The following CLIP4 variants were observed in gnomAD, a reference collection of about 807,000 sequenced individuals.
CLIP4 encodes CAP-Gly domain-containing linker protein 4.
CLIP4 carries 47 observed loss-of-function variants against 73.1 expected under a neutral mutation model. That is an observed-to-expected ratio of 0.64 (90% CI 0.51 to 0.82). The LOEUF (loss-of-function observed/expected upper bound fraction) is 0.82. Among genes scored for constraint, CLIP4 ranks in the 40% least tolerant of loss-of-function variants. CLIP4 has a pLI of 0.00. For synonymous variants in CLIP4, 306 were observed against 295.4 expected (o/e 1.04, Z -0.37); for missense variants, 874 against 852.9 (o/e 1.02, Z -0.31).
At position 29,130,830 on chromosome 2, in the gene CLIP4, CA is replaced by C. The variant is rs890114961; in HGVS notation, c.134-421del. 6.2e-6 allele frequency: 8 copies of C among 1,288,502 alleles called. No individual in the cohort carries two copies. The African/African-American group carries it at 1.2e-4, about 20-fold the overall frequency. 79.8% of individuals were successfully genotyped at this position (1,288,502 alleles called of 1,614,324 possible). Reference sequence around the variant, plus strand: ...ATAAATGCAAAGAAGAAAGCAAAAACAAAAAAACCTCAATGAGTCCCACTAC... The same window carrying C: ...ATAAATGCAAAGAAGAAAGCAAAAACAAAAAACCTCAATGAGTCCCACTAC... On this transcript the variant is annotated intron_variant, in intron 2 of 15. Coordinates refer to ENST00000320081, the MANE Select transcript of CLIP4 (RefSeq NM_024692.6).
chr2:29,111,765 G>C (rs1341372288), upstream of CLIP4, among the ~76,000 whole-genome samples: 1 of 152,086 alleles, frequency 6.6e-6, no homozygotes, highest in African/African-American at 2.4e-5. Flanking sequence ...ATTCTTAACT[G>C]AACAGAACCC....
At chr2:29,124,382 T>G (rs1464885082) in intron 2 of CLIP4, among the ~76,000 whole-genome samples, 1 of 152,192 alleles carries the variant, frequency 6.6e-6, no homozygotes, top group Non-Finnish European at 1.5e-5. Context: ...GTCTTTTTTT[T>G]GGCTGCTTTA....
At chr2:29,174,799 C>G in intron 15 of CLIP4, 1 of 464,328 alleles carries the variant, frequency 2.2e-6, no homozygotes, top group Non-Finnish European at 2.8e-6. Flanking sequence ...GTCAGTGATA[C>G]ATGAAAGAAA....
intron 13 of CLIP4, among the ~76,000 whole-genome samples, chr2:29,165,144 AT>A (rs1667523153): frequency 6.6e-6 from 1 of 152,214 alleles, no homozygotes; most frequent in South Asian, 2.1e-4. Flanking sequence ...GAGATAAGTG[AT>A]TTAGCTAAAG....
intron 6 of CLIP4, among the ~76,000 whole-genome samples, chr2:29,137,677 G>T (rs560156252): frequency 7.2e-5 from 11 of 151,956 alleles, no homozygotes; most frequent in Non-Finnish European, 1.2e-4. Flanking sequence ...ACCTCACCAA[G>T]ATGTTATTTT....
At chr2:29,175,174 T>G (rs1668253355) in intron 15 of CLIP4, among the ~76,000 whole-genome samples, 1 of 152,134 alleles carries the variant, frequency 6.6e-6, no homozygotes, top group Admixed American at 6.5e-5. Context: ...GATGTCCCAC[T>G]GTGGATAGGC....
intron 9 of CLIP4, among the ~76,000 whole-genome samples, chr2:29,153,692 T>C (rs1666733277): frequency 6.6e-6 from 1 of 152,172 alleles, no homozygotes; most frequent in South Asian, 2.1e-4. Flanking sequence ...AATTTGTAAA[T>C]AGTTGAGGTA....
intron 11 of CLIP4, among the ~76,000 whole-genome samples, chr2:29,158,424 C>T (rs189075153): frequency 1.1e-4 from 16 of 151,000 alleles, no homozygotes; most frequent in Admixed American, 4.6e-4. Context: ...ATATATTTAC[C>T]ATTTAAAAAA....
chr2:29,135,658 G>A lies in CLIP4; in HGVS notation c.640G>A (p.Ala214Thr), dbSNP rs1233182324. Reference protein sequence around the residue: ...KCLLEQGANPAFRNDKGQIPA... With the variant: ...KCLLEQGANPTFRNDKGQIPA... ...CCTCTTGGAGCAGGGAGCAAATCCT[G>A]CATTTAGGGTAAGAGGTTAAATTAA... The change falls in exon 6 of 16, where the codon GCA becomes ACA. Residue 214 changes from alanine to threonine, a missense_variant. By Grantham distance (58) the Ala-to-Thr change is moderately conservative. Coordinates refer to ENST00000320081, the MANE Select transcript of CLIP4 (RefSeq NM_024692.6). 1 of 1,599,744 alleles carries A rather than the reference G, an allele frequency of 6.3e-7. No homozygotes were observed.
chr2:29,112,084 G>A (rs999140212), upstream of CLIP4, among the ~76,000 whole-genome samples: 4 of 152,144 alleles, frequency 2.6e-5, no homozygotes, highest in African/African-American at 7.2e-5. Context: ...GCATTTATAC[G>A]TGGGTCTGCT....
At chr2:29,158,745 G>A (rs1374209917) in intron 11 of CLIP4, among the ~76,000 whole-genome samples, 1 of 152,140 alleles carries the variant, frequency 6.6e-6, no homozygotes, top group African/African-American at 2.4e-5. Context: ...TAGGGACCTC[G>A]GCCTCATCAT....
intron 6 of CLIP4, among the ~76,000 whole-genome samples, chr2:29,136,442 C>T (rs1215072918): frequency 1.3e-5 from 2 of 152,048 alleles, no homozygotes; most frequent in African/African-American, 2.4e-5. Context: ...TTCTCTTCCT[C>T]CCTCCCTCCC....
At chr2:29,177,573 T>A (rs1668418418) in intron 15 of CLIP4, among the ~76,000 whole-genome samples, 1 of 151,850 alleles carries the variant, frequency 6.6e-6, no homozygotes. Flanking sequence ...AGCAAGACTC[T>A]GTTTCAAAAA....
At chr2:29,158,813 C>T (rs1458449520) in intron 11 of CLIP4, among the ~76,000 whole-genome samples, 1 of 152,164 alleles carries the variant, frequency 6.6e-6, no homozygotes, top group African/African-American at 2.4e-5. Flanking sequence ...CTGTGTCGCC[C>T]AGGCTGGGGT....
chr2:29,121,451 A>G lies in CLIP4; in HGVS notation c.63A>G (p.Pro21=). 2 of 1,613,710 alleles carry G rather than the reference A, an allele frequency of 1.2e-6. No homozygotes were observed. Among genetic ancestry groups the G allele is most frequent in the Non-Finnish European group, 1.7e-6 (2 of 1,179,826 alleles). The change falls in exon 2 of 16, where the codon CCA becomes CCG. Residue 21 remains proline, a synonymous_variant. Coordinates refer to ENST00000320081, the MANE Select transcript of CLIP4 (RefSeq NM_024692.6). Reference sequence around the variant, plus strand: ...GAAATCCTTTGTTTGGAAGATACCCATTTATATTTTCTGCTTCTGATACCC... The same window carrying G: ...GAAATCCTTTGTTTGGAAGATACCCGTTTATATTTTCTGCTTCTGATACCC... ...LEGNPLFGRY[P]FIFSASDTPV...
Position 29,134,374 on chromosome 2 carries a change from G to A in CLIP4, c.529+558G>A, listed in dbSNP as rs565116132. ...CCAATTTTCTTTTCTTTCTTTTTTA[G>A]AAAAATATGAGAGCAAGCAAATAGT... On this transcript the variant is annotated intron_variant, in intron 5 of 15. Coordinates refer to ENST00000320081, the MANE Select transcript of CLIP4 (RefSeq NM_024692.6). Among the ~76,000 whole-genome samples, 6 of 151,704 alleles carry A rather than the reference G, an allele frequency of 4.0e-5. No individual in the cohort carries two copies. In the South Asian group the frequency reaches 1.2e-3, roughly 32 times the overall value.
intron 1 of CLIP4, among the ~76,000 whole-genome samples, chr2:29,102,011 T>A (rs926845336): frequency 6.6e-6 from 1 of 152,150 alleles, no homozygotes; most frequent in Admixed American, 6.5e-5. Flanking sequence ...AATAGCAATA[T>A]GGACCCTACA....
At chr2:29,125,948 G>A (rs1022796965) in intron 2 of CLIP4, among the ~76,000 whole-genome samples, 13 of 152,164 alleles carry the variant, frequency 8.5e-5, no homozygotes, top group Non-Finnish European at 1.8e-4. Flanking sequence ...GCTGAGGCAG[G>A]TGGATCACCT....
chr2:29,111,008 A>G (rs1024966697), upstream of CLIP4, among the ~76,000 whole-genome samples: 2 of 152,146 alleles, frequency 1.3e-5, no homozygotes, highest in African/African-American at 2.4e-5. Flanking sequence ...CATAGACTGA[A>G]TAAGGTCACC....
Sources: gnomAD v4.1 joint callset for allele counts (sites outside exome capture counted in the v4.1 genomes callset) on GRCh38, gnomAD v4.1.1 for gene constraint, MANE v1.5 for transcripts, NCBI Gene and HGNC (gene_info 2026-07-23, HGNC 2026-07-21) for gene names.